ZNF345: variants seen among roughly 807,000 people sequenced by gnomAD.
ZNF345 encodes zinc finger protein 345.
For synonymous variants in ZNF345, 166 were observed against 187.9 expected (o/e 0.88, Z 0.95); for missense variants, 527 against 589.9 (o/e 0.89, Z 1.10).
intron 3 of ZNF345, chr19:36,889,828 G>GT (rs1377500160): frequency 6.6e-6 from 1 of 151,854 alleles, no homozygotes; most frequent in Admixed American, 6.6e-5. Flanking sequence ...AGTTTGTTTT[G>GT]TTTTTTCCTA....
downstream of ZNF345, among the ~76,000 whole-genome samples, chr19:36,884,362 A>C (rs1336486973): frequency 2.0e-5 from 3 of 152,114 alleles, no homozygotes; most frequent in South Asian, 6.2e-4. Context: ...CTGGCCTATG[A>C]TTACAACCTT....
chr19:36,850,985 G>T lies in ZNF345; in HGVS notation c.-122+17G>T. ...CGAACAGGCGTAAGTGAGGCGGCTC[G>T]GAGCCTGGCGCGACAGGAACTCCCG... On this transcript the variant is annotated intron_variant, in intron 1 of 2. Transcript: ENST00000420450. 1 of 153,176 alleles carries T rather than the reference G, an allele frequency of 6.5e-6. No individual in the cohort carries two copies. The highest frequency in any genetic ancestry group is 1.5e-5 in the Non-Finnish European group (1 of 68,614). 9.5% of individuals were successfully genotyped at this position (153,176 alleles called of 1,614,324 possible).
At chr19:36,892,698 A>G in intron 3 of ZNF345, 1 of 608,074 alleles carries the variant, frequency 1.6e-6, no homozygotes, top group East Asian at 2.9e-5. Flanking sequence ...ATGATCCTCA[A>G]ATTTTGGTCT....
At chr19:36,865,019 T>G (rs2072629865) in intron 2 of ZNF345, among the ~76,000 whole-genome samples, 1 of 152,188 alleles carries the variant, frequency 6.6e-6, no homozygotes, top group Non-Finnish European at 1.5e-5. Flanking sequence ...TGGGTGCTGC[T>G]GGCCACTTTG....
At chr19:36,879,853 A>C (rs1376345490), downstream of ZNF345, among the ~76,000 whole-genome samples, 1 of 152,206 alleles carries the variant, frequency 6.6e-6, no homozygotes, top group South Asian at 2.1e-4. Context: ...TGCCTATCAC[A>C]TAATAAATGC....
intron 3 of ZNF345, chr19:36,888,264 T>C (rs543701559): frequency 1.3e-5 from 2 of 152,188 alleles, no homozygotes; most frequent in Non-Finnish European, 2.9e-5. Context: ...TGATAAAACA[T>C]TTAATAGTAT....
chr19:36,891,983 A>G, intron 3 of ZNF345: 1 of 1,613,936 alleles, frequency 6.2e-7, no homozygotes, highest in Non-Finnish European at 8.5e-7. Context: ...CATACTTTAC[A>G]TTCATAGGGT....
chr19:36,862,295 C>T (rs961694199), intron 2 of ZNF345, among the ~76,000 whole-genome samples: 4 of 151,952 alleles, frequency 2.6e-5, no homozygotes, highest in African/African-American at 9.7e-5. Flanking sequence ...TAGTTCCTAC[C>T]GTTTGGCCTT....
chr19:36,854,749 A>G (rs1470239380), intron 2 of ZNF345, among the ~76,000 whole-genome samples: 1 of 152,114 alleles, frequency 6.6e-6, no homozygotes, highest in Non-Finnish European at 1.5e-5. Context: ...AAATGTAGAT[A>G]TTTATTGTCT....
chr19:36,892,076 G>T, intron 3 of ZNF345: 1 of 1,614,038 alleles, frequency 6.2e-7, no homozygotes, highest in Non-Finnish European at 8.5e-7. Context: ...CATTCATAGG[G>T]TTTCTCACCA....
chr19:36,887,448 G>A (rs1322186438), intron 3 of ZNF345, among the ~76,000 whole-genome samples: 3 of 152,182 alleles, frequency 2.0e-5, no homozygotes, highest in South Asian at 4.1e-4. Context: ...GAAACTAGGT[G>A]TAGGGTATAT....
rs1258347111 is a variant in ZNF345 at position 36,879,334 on chromosome 19, A to T, written c.*1037A>T. The T allele has an allele frequency of 6.0e-6, 1 of 167,082 alleles. No homozygotes were observed. Among genetic ancestry groups the T allele is most frequent in the African/African-American group, 2.4e-5 (1 of 41,452 alleles). 10.3% of individuals were successfully genotyped at this position (167,082 alleles called of 1,614,324 possible). A position where few individuals can be genotyped will look rare whatever the true frequency, so the allele number is the denominator to read the frequency against. On this transcript the variant is annotated 3_prime_UTR_variant, in exon 3 of 3. Transcript: ENST00000420450. ...TAATGTAGATAAAAAGAAAAAAAGG[A>T]TATGGTTACCTGTAATCTTACCAAT...
Position 36,878,331 on chromosome 19 carries a change from G to T in ZNF345, c.*34G>T. 2 of 1,516,544 alleles carry T rather than the reference G, an allele frequency of 1.3e-6. No homozygotes were observed. The highest frequency in any genetic ancestry group is 2.8e-5 in the South Asian group (2 of 72,620). 93.9% of individuals were successfully genotyped at this position (1,516,544 alleles called of 1,614,324 possible). ...GCTGAAGGAAGGACTCTAAACATAT[G>T]ACTTAAGAAAATTCATAGTGGTGAA... On this transcript the variant is annotated 3_prime_UTR_variant, in exon 3 of 3. Transcript: ENST00000420450.
chr19:36,874,505 A>AG (rs113753730), intron 2 of ZNF345, among the ~76,000 whole-genome samples: 9,733 of 144,624 alleles, frequency 0.067, 997 homozygotes, highest in African/African-American at 0.22. Context: ...AAAAAAAAAA[A>AG]GGGGGGTGGG....
At chr19:36,863,500 G>A (rs955505578) in intron 2 of ZNF345, among the ~76,000 whole-genome samples, 3 of 152,170 alleles carry the variant, frequency 2.0e-5, no homozygotes, top group African/African-American at 4.8e-5. Context: ...GGTCCCATCC[G>A]TATGTCCCAA....
chr19:36,885,350 C>T (rs570215685), intron 3 of ZNF345, among the ~76,000 whole-genome samples: 2 of 151,152 alleles, frequency 1.3e-5, no homozygotes, highest in East Asian at 1.9e-4. Context: ...GTTTTAAATG[C>T]GTATCGTGTC....
intron 2 of ZNF345, among the ~76,000 whole-genome samples, chr19:36,858,591 A>AC (rs2072475452): frequency 6.6e-6 from 1 of 151,920 alleles, no homozygotes; most frequent in South Asian, 2.1e-4. Context: ...ACATGGTGAA[A>AC]CCCCGTCTCT....
intron 2 of ZNF345, among the ~76,000 whole-genome samples, chr19:36,855,178 AGTCACCCAG>A (rs984509890): frequency 1.4e-4 from 17 of 123,778 alleles, no homozygotes; most frequent in African/African-American, 5.4e-4. Context: ...AGTCTCGCTC[AGTCACCCAG>A]GTTGGAGTGC....
chr19:36,877,939 A>G lies in ZNF345; in HGVS notation c.1109A>G (p.Tyr370Cys), dbSNP rs935579871. 4 of 1,613,992 alleles carry G rather than the reference A, an allele frequency of 2.5e-6. No homozygotes were observed. Among genetic ancestry groups the G allele is most frequent in the East Asian group, 2.2e-5 (1 of 44,884 alleles). Residue 370 changes from tyrosine (Y) to cysteine (C), a missense_variant, in exon 3 of 3, where the codon TAT (tyrosine) becomes TGT (cysteine). Tyr to Cys is a radical substitution (Grantham distance 194, BLOSUM62 -2). Coordinates refer to ENST00000420450, the MANE Select transcript of ZNF345 (RefSeq NM_001242472.2). ...AGAATTCATACTGGTGAGAAACCCT[A>G]TGAATGTAAGGAATGTGGGAAGGCC... is the stretch of plus-strand genomic sequence containing the variant. Reference protein sequence around the residue: ...HHRIHTGEKPYECKECGKAFG... With the variant: ...HHRIHTGEKPCECKECGKAFG...
Sources: allele counts gnomAD v4.1 joint callset (sites outside exome capture counted in the v4.1 genomes callset), GRCh38; gene constraint gnomAD v4.1.1; transcripts MANE v1.5; gene names NCBI Gene and HGNC (gene_info 2026-07-23, HGNC 2026-07-21).